NRXN3: variants seen among roughly 807,000 people sequenced by gnomAD.
NRXN3 encodes the protein neurexin III.
NRXN3 carries 32 observed loss-of-function variants against 137.6 expected under a neutral mutation model. That is an observed-to-expected ratio of 0.23 (90% confidence interval 0.18 to 0.31). The LOEUF is 0.31. Among genes scored for constraint, NRXN3 ranks in the 10% least tolerant of loss-of-function variants. The probability of loss-of-function intolerance (pLI) is 1.00; values close to 1 mark genes in which losing one functional copy is unlikely to be tolerated. For missense variants in NRXN3, 1,574 were observed against 2,062.5 expected (o/e 0.76, Z 4.59); for synonymous variants, 798 against 784.5 (o/e 1.02, Z -0.29).
chr14:78,251,377 TACATTCTCAGTTGC>T (rs1348052314), intron 2 of NRXN3, among the ~76,000 whole-genome samples: 1 of 152,256 alleles, frequency 6.6e-6, no homozygotes, highest in African/African-American at 2.4e-5. Context: ...AAGCCTTTCG[TACATTCTCAGTTGC>T]ACGGGTCCCT....
chr14:79,604,796 CT>C (rs1317090518), intron 16 of NRXN3, among the ~76,000 whole-genome samples: 2 of 152,004 alleles, frequency 1.3e-5, no homozygotes, highest in African/African-American at 4.8e-5. Context: ...CTTTGGGAGG[CT>C]GAGGCGGGCG....
chr14:79,464,650 A>G (rs1321244564), intron 15 of NRXN3, among the ~76,000 whole-genome samples: 4 of 152,136 alleles, frequency 2.6e-5, no homozygotes, highest in Non-Finnish European at 4.4e-5. Flanking sequence ...TTAGTCTGAT[A>G]AAAAGATGTG....
intron 8 of NRXN3, chr14:78,753,669 A>C (rs1481201229): frequency 6.6e-6 from 1 of 152,134 alleles, no homozygotes; most frequent in Non-Finnish European, 1.5e-5. Context: ...GAAAGGAATT[A>C]CCTCCAGCAT....
chr14:79,541,287 C>T (rs577074060), intron 16 of NRXN3, among the ~76,000 whole-genome samples: 2 of 152,160 alleles, frequency 1.3e-5, no homozygotes, highest in East Asian at 3.9e-4. Flanking sequence ...CCTGTAATCC[C>T]AACGATTCAG....
rs879563837 is a variant in NRXN3 at position 78,203,832 on chromosome 14, GTGTGTGGTT to G, written c.-704+33165_-704+33173del. Among the ~76,000 whole-genome samples, 520 of 78,260 alleles carry G rather than the reference GTGTGTGGTT, an allele frequency of 6.6e-3. 2 individuals carry two copies. Among genetic ancestry groups the G allele is most frequent in the Non-Finnish European group, 8.4e-3 (332 of 39,398 alleles). The allele number at this position is 78,260 out of a possible 152,430, so 51.3% of individuals were successfully genotyped here. On this transcript the variant is annotated intron_variant, in intron 1 of 20. Transcript: ENST00000335750. ...TGTGTGTGTGTGTGTGTGTGTGTGT[GTGTGTGGTT>G]TGTGTGTGTGTGTGGTTTGTGTGTG...
intron 15 of NRXN3, among the ~76,000 whole-genome samples, chr14:79,203,891 T>G (rs2066416517): frequency 6.6e-6 from 1 of 152,210 alleles, no homozygotes. Flanking sequence ...AAATGTTTAC[T>G]TAATAATTAA....
In NRXN3 at chr14:78,853,706, C is replaced by T. The variant is rs539874788; in HGVS notation, c.2275+43362C>T. Among the ~76,000 whole-genome samples, 7 of 152,222 alleles carry T rather than the reference C, an allele frequency of 4.6e-5. 1 individual carries two copies. In the East Asian group the frequency reaches 1.4e-3, roughly 29 times the overall value. ...CAATACTATGTCTCTCAAAGTTTTC[C>T]TAATGAAATAAGCTATTTATCTTTC... On this transcript the variant is annotated intron_variant, in intron 10 of 20. Coordinates refer to ENST00000335750, the MANE Select transcript of NRXN3 (RefSeq NM_001330195.2).
At chr14:79,676,932 G>T (rs780210333) in intron 17 of NRXN3, among the ~76,000 whole-genome samples, 72 of 151,952 alleles carry the variant, frequency 4.7e-4, no homozygotes, top group Non-Finnish European at 4.4e-4. Flanking sequence ...CTTTTAAAAA[G>T]GAAAGAAACA....
chr14:78,314,938 T>TTCCTTC (rs2078463113), intron 4 of NRXN3, among the ~76,000 whole-genome samples: 5 of 90,974 alleles, frequency 5.5e-5, no homozygotes, highest in African/African-American at 1.9e-4. Flanking sequence ...TTTCTTTCTT[T>TTCCTTC]CTTTCTTCCT....
chr14:79,166,848 A>G lies in NRXN3; in HGVS notation c.3262+178707A>G, dbSNP rs897470071. 8.5e-5 allele frequency among the ~76,000 whole-genome samples: 13 copies of G among 152,084 alleles called. No homozygotes were observed. In the East Asian group the frequency reaches 1.7e-3, roughly 20 times the overall value. On this transcript the variant is annotated intron_variant, in intron 15 of 20. Coordinates refer to ENST00000335750, the MANE Select transcript of NRXN3 (RefSeq NM_001330195.2). ...CTGCAAAGTGAATACACTAATCTTA[A>G]CATTCAGATTTGCTATGAGAATTGC...
chr14:78,515,180 G>GA (rs2096183635), intron 4 of NRXN3, among the ~76,000 whole-genome samples: 1 of 152,152 alleles, frequency 6.6e-6, no homozygotes, highest in African/African-American at 2.4e-5. Flanking sequence ...CTCACCAGGG[G>GA]AATCAATGGA....
At chr14:78,287,986 CT>C (rs1272453463) in intron 3 of NRXN3, among the ~76,000 whole-genome samples, 162 of 145,692 alleles carry the variant, frequency 1.1e-3, no homozygotes, top group South Asian at 1.3e-3. Flanking sequence ...AGGACTCCCC[CT>C]TTTTTTTTTT....
At position 79,583,872 on chromosome 14, in the gene NRXN3, C is replaced by T. The variant is rs188359085; in HGVS notation, c.3445-79906C>T. Among the ~76,000 whole-genome samples the T allele has an allele frequency of 1.1e-4, 16 of 152,120 alleles. No homozygotes were observed. In the South Asian group the frequency reaches 3.3e-3, roughly 32 times the overall value. On this transcript the variant is annotated intron_variant, in intron 16 of 20. Transcript: ENST00000335750. ...TCAACAGGAGAGAGAGAATATGAAG[C>T]CTCTATTTGGAAACTGAACACGTAG... is the stretch of plus-strand genomic sequence containing the variant.
chr14:78,545,418 T>C (rs1320820733), intron 4 of NRXN3, among the ~76,000 whole-genome samples: 1 of 152,188 alleles, frequency 6.6e-6, no homozygotes, highest in Non-Finnish European at 1.5e-5. Context: ...ATGTCTCCCC[T>C]CTTCTCCTTT....
At chr14:78,757,893 T>C (rs1166435358) in intron 8 of NRXN3, among the ~76,000 whole-genome samples, 2 of 152,202 alleles carry the variant, frequency 1.3e-5, no homozygotes, top group African/African-American at 2.4e-5. Context: ...AACTTTTCTA[T>C]AAACCTAAAC....
At position 78,914,913 on chromosome 14, in the gene NRXN3, AG is replaced by A. The variant is rs372008943; in HGVS notation, c.2276-42323del. 4.4e-3 allele frequency among the ~76,000 whole-genome samples: 673 copies of A among 152,038 alleles called. 6 individuals carry two copies. The highest frequency in any genetic ancestry group is 0.015 in the African/African-American group (617 of 41,474). ...AAACAAGCAAGCAATAAGGGGAAGG[AG>A]GGGGGATAATTTGTTCAAGTAAGCC... is the stretch of plus-strand genomic sequence containing the variant. On this transcript the variant is annotated intron_variant, in intron 10 of 20. Transcript: ENST00000335750.
chr14:78,357,042 G>A (rs1216083066), intron 4 of NRXN3, among the ~76,000 whole-genome samples: 1 of 152,128 alleles, frequency 6.6e-6, no homozygotes, highest in Non-Finnish European at 1.5e-5. Flanking sequence ...AGGTGAATTG[G>A]GTTTGACATG....
Position 79,386,465 on chromosome 14 carries a change from T to C in NRXN3, c.3263-80756T>C, listed in dbSNP as rs531094164. On this transcript the variant is annotated intron_variant, in intron 15 of 20. Transcript: ENST00000335750. The stretch of plus-strand genomic sequence containing the variant: ...TGAAATAAAAGAGGATACAAACAAA[T>C]GGAAGAACATTCCATGCTCATGGGT... 1.7e-3 allele frequency among the ~76,000 whole-genome samples: 256 copies of C among 152,234 alleles called. 1 individual carries two copies. The highest frequency in any genetic ancestry group is 5.9e-3 in the African/African-American group (245 of 41,530).
intron 16 of NRXN3, among the ~76,000 whole-genome samples, chr14:79,568,624 ACTC>A (rs2097570879): frequency 6.6e-6 from 1 of 151,632 alleles, no homozygotes; most frequent in Non-Finnish European, 1.5e-5. Flanking sequence ...GAGCCGGGAG[ACTC>A]CTCCTGTGGC....
Sources: allele counts gnomAD v4.1 joint callset (sites outside exome capture counted in the v4.1 genomes callset), GRCh38; gene constraint gnomAD v4.1.1; transcripts MANE v1.5; gene names NCBI Gene and HGNC (gene_info 2026-07-23, HGNC 2026-07-21).